The following CHST12 variants were observed in gnomAD, a reference collection of about 807,000 sequenced individuals.
CHST12 encodes the protein carbohydrate sulfotransferase 12, also known as carbohydrate (chondroitin 4) sulfotransferase 12.
A neutral mutation model predicts 27.9 loss-of-function variants in CHST12; 23 were observed. That is an observed-to-expected ratio of 0.82 (90% CI 0.59 to 1.17). The LOEUF (loss-of-function observed/expected upper bound fraction) is 1.17. CHST12 is among the 50% of genes most tolerant of loss of function. The probability of loss-of-function intolerance (pLI) is 0.00; values close to 1 mark genes in which losing one functional copy is unlikely to be tolerated. For missense variants in CHST12, 682 were observed against 603.0 expected (o/e 1.13, Z -1.37); for synonymous variants, 322 against 273.0 (o/e 1.18, Z -1.77).
rs991799625 is a variant in CHST12, at chr7:2,439,399, C to T, written c.*5515C>T. On this transcript the variant is annotated 3_prime_UTR_variant, in exon 2 of 2. Transcript: ENST00000618655. ...TAATTGGAGAATGTGTAATTTTTTC[C>T]CCTTTGGAAATAATTTGTTCTTTTT... The T allele has an allele frequency of 6.6e-6, 1 of 151,860 alleles. No individual in the cohort carries two copies. Among genetic ancestry groups the T allele is most frequent in the Non-Finnish European group, 1.5e-5 (1 of 67,984 alleles). The allele number at this position is 151,860 out of a possible 1,614,324, so 9.4% of individuals were successfully genotyped here.
chr7:2,415,760 C>T (rs1157410609), intron 1 of CHST12, among the ~76,000 whole-genome samples: 3 of 151,922 alleles, frequency 2.0e-5, no homozygotes, highest in African/African-American at 7.2e-5. Context: ...CTACAGGCGC[C>T]CGCCACCACG....
At chr7:2,420,635 C>T (rs990547301) in intron 1 of CHST12, among the ~76,000 whole-genome samples, 2 of 152,024 alleles carry the variant, frequency 1.3e-5, no homozygotes, top group South Asian at 2.1e-4. Context: ...AGCAAGATGC[C>T]ATCTCTACAA....
intron 1 of CHST12, among the ~76,000 whole-genome samples, chr7:2,421,686 C>T (rs1781980408): frequency 6.6e-6 from 1 of 152,080 alleles, no homozygotes; most frequent in African/African-American, 2.4e-5. Flanking sequence ...ATCTGCCCAC[C>T]TCAGCCTCCC....
chr7:2,406,064 CG>C (rs1781516616), intron 1 of CHST12, among the ~76,000 whole-genome samples: 1 of 152,022 alleles, frequency 6.6e-6, no homozygotes, highest in Non-Finnish European at 1.5e-5. Flanking sequence ...TGGGAAAAGA[CG>C]GGTTATTGAT....
rs547131929 is a variant in CHST12, at chr7:2,438,882, A to C, written c.*4998A>C. On this transcript the variant is annotated 3_prime_UTR_variant, in exon 2 of 2. Transcript: ENST00000618655. ...GCTGATTTCCTGACCTGGACCCCTG[A>C]GACCCAGTGCTCTTAGCTGTGAGCC... is the stretch of plus-strand genomic sequence containing the variant. 6.6e-6 allele frequency: 1 copy of C among 152,386 alleles called. No homozygotes were observed. The highest frequency in any genetic ancestry group is 1.5e-5 in the Non-Finnish European group (1 of 68,124). The allele number at this position is 152,386 out of a possible 1,614,324, so 9.4% of individuals were successfully genotyped here.
chr7:2,431,894 T>C (rs1018197685), intron 1 of CHST12, among the ~76,000 whole-genome samples: 1 of 152,102 alleles, frequency 6.6e-6, no homozygotes, highest in Non-Finnish European at 1.5e-5. Context: ...CTCTTACTTA[T>C]GACACCAATA....
At position 2,442,223 on chromosome 7, in the gene CHST12, T is replaced by C. The variant is rs1419609168; in HGVS notation, c.*8339T>C. On this transcript the variant is annotated 3_prime_UTR_variant, in exon 2 of 2. Coordinates refer to ENST00000618655, the MANE Select transcript of CHST12 (RefSeq NM_018641.5). Reference sequence around the variant, plus strand: ...TGTTGTAGTCAGGATCACCTTCCTTTTAAAGGTTGAACGATATCCCGTTGT... The same window carrying C: ...TGTTGTAGTCAGGATCACCTTCCTTCTAAAGGTTGAACGATATCCCGTTGT... The C allele has an allele frequency of 6.6e-6, 1 of 152,248 alleles. No individual in the cohort carries two copies. The highest frequency in any genetic ancestry group is 1.5e-5 in the Non-Finnish European group (1 of 68,056). 9.4% of individuals were successfully genotyped at this position (152,248 alleles called of 1,614,324 possible).
chr7:2,431,674 A>C (rs2115438278), intron 1 of CHST12, among the ~76,000 whole-genome samples: 1 of 152,300 alleles, frequency 6.6e-6, no homozygotes, highest in Admixed American at 6.5e-5. Context: ...AGCCCCACCA[A>C]CACCCCCTGG....
intron 1 of CHST12, among the ~76,000 whole-genome samples, chr7:2,427,033 A>T (rs571576293): frequency 6.6e-6 from 1 of 150,558 alleles, no homozygotes; most frequent in Admixed American, 6.6e-5. Context: ...TAAATGAAAA[A>T]GTACTCAGTT....
At chr7:2,411,228 G>A (rs1781655974) in intron 1 of CHST12, among the ~76,000 whole-genome samples, 1 of 152,006 alleles carries the variant, frequency 6.6e-6, no homozygotes, top group African/African-American at 2.4e-5. Context: ...GACTACAGGT[G>A]TATACTACCA....
At chr7:2,405,618 C>A (rs1380900423) in intron 1 of CHST12, among the ~76,000 whole-genome samples, 1 of 152,030 alleles carries the variant, frequency 6.6e-6, no homozygotes, top group Non-Finnish European at 1.5e-5. Context: ...AGTTGAGTAG[C>A]CTTGTGGGGC....
chr7:2,417,991 G>T (rs1583214001), intron 1 of CHST12, among the ~76,000 whole-genome samples: 1 of 152,386 alleles, frequency 6.6e-6, no homozygotes, highest in Middle Eastern at 3.4e-3. Context: ...ATGTGGCAGT[G>T]TCTTCCAGAG....
intron 1 of CHST12, chr7:2,404,249 C>G (rs906641385): frequency 6.6e-6 from 1 of 152,372 alleles, no homozygotes; most frequent in African/African-American, 2.4e-5. Flanking sequence ...CTCCAGAAGC[C>G]GCAGCCCTGC....
At position 2,440,875 on chromosome 7, in the gene CHST12, C is replaced by T. The variant is rs1041757637; in HGVS notation, c.*6991C>T. On this transcript the variant is annotated 3_prime_UTR_variant, in exon 2 of 2. Transcript: ENST00000618655. ...CGTTTCTCCGGCCGTGTGAAGTTAC[C>T]ACCTCGTGAGTGGTCATAAGTTAGC... 14 of 152,126 alleles carry T rather than the reference C, an allele frequency of 9.2e-5. No individual in the cohort carries two copies. Among genetic ancestry groups the T allele is most frequent in the Admixed American group, 9.2e-4 (14 of 15,270 alleles). 9.4% of individuals were successfully genotyped at this position (152,126 alleles called of 1,614,324 possible).
Position 2,439,431 on chromosome 7 carries a change from T to C in CHST12, c.*5547T>C, listed in dbSNP as rs77837797. 4.0e-5 allele frequency: 6 copies of C among 151,852 alleles called. No individual in the cohort carries two copies. Among genetic ancestry groups the C allele is most frequent in the Admixed American group, 3.9e-4 (6 of 15,256 alleles). 9.4% of individuals were successfully genotyped at this position (151,852 alleles called of 1,614,324 possible). ...GAAATAATTTGTTCTTTTTTTTTTT[T>C]GACAGAGTTTCTTTCTGTCATCCAG... On this transcript the variant is annotated 3_prime_UTR_variant, in exon 2 of 2. Transcript: ENST00000618655.
rs1345539283 is a variant in CHST12 at position 2,433,000 on chromosome 7, C to G, written c.361C>G (p.Gln121Glu). ...ARRSPDQGRQ[Q>E]AERRSVLRGF... ...GCGCAGCCCAGACCAGGGCCGGCAG[C>G]AGGCGGAGCGGAGGAGCGTGCTGCG... is the stretch of plus-strand genomic sequence containing the variant. Residue 121 changes from glutamine (Q) to glutamate (E), a missense_variant, in exon 2 of 2, where the codon CAG becomes GAG. Transcript: ENST00000618655. 6.2e-7 allele frequency: 1 copy of G among 1,610,244 alleles called. No individual in the cohort carries two copies. Among genetic ancestry groups the G allele is most frequent in the Admixed American group, 1.7e-5 (1 of 59,920 alleles).
At chr7:2,421,653 C>T (rs895027110) in intron 1 of CHST12, among the ~76,000 whole-genome samples, 1 of 151,870 alleles carries the variant, frequency 6.6e-6, no homozygotes, top group African/African-American at 2.4e-5. Flanking sequence ...GCCAGGCTGT[C>T]CTCAAACTCC....
intron 1 of CHST12, among the ~76,000 whole-genome samples, chr7:2,429,078 CCT>C (rs550853453): frequency 9.7e-4 from 147 of 152,306 alleles, no homozygotes; most frequent in Non-Finnish European, 1.5e-3. Context: ...GTGAAAGCTC[CCT>C]GACTGCATGT....
At chr7:2,411,987 G>A (rs912526965) in intron 1 of CHST12, among the ~76,000 whole-genome samples, 5 of 152,168 alleles carry the variant, frequency 3.3e-5, no homozygotes, top group Non-Finnish European at 5.9e-5. Context: ...ACCTGGGAAG[G>A]GCCAACAGAG....
Sources: gnomAD v4.1 joint callset for allele counts (sites outside exome capture counted in the v4.1 genomes callset) on GRCh38, gnomAD v4.1.1 for gene constraint, MANE v1.5 for transcripts, NCBI Gene and HGNC (gene_info 2026-07-23, HGNC 2026-07-21) for gene names.